Variants in ADGRV1 observed in about 807,000 individuals in gnomAD.
ADGRV1 encodes adhesion G protein-coupled receptor V1.
In ADGRV1, 359 loss-of-function variants were observed where a neutral mutation model predicts 596.2. The observed-to-expected ratio is 0.60, with a 90% confidence interval of 0.55 to 0.66. The LOEUF is 0.66. ADGRV1 is among the 30% of genes least tolerant of loss of function. ADGRV1 has a pLI of 0.00. For missense variants in ADGRV1, 7,274 were observed against 7,575.6 expected (o/e 0.96, Z 1.48); for synonymous variants, 2,681 against 2,679.2 (o/e 1.00, Z -0.02).
At chr5:90,613,772 A>G (rs1398069987) in intron 1 of ADGRV1, among the ~76,000 whole-genome samples, 1 of 152,138 alleles carries the variant, frequency 6.6e-6, no homozygotes, top group Non-Finnish European at 1.5e-5. Flanking sequence ...CTTAAATCCT[A>G]AAATATATCA....
chr5:90,709,033 G>A (rs1748977651), intron 39 of ADGRV1, 124 bp downstream of exon 39: 4 of 609,378 alleles, frequency 6.6e-6, no homozygotes, highest in Non-Finnish European at 1.2e-5. Flanking sequence ...AAAATATGAT[G>A]GGCTTTTATA....
intron 5 of ADGRV1, among the ~76,000 whole-genome samples, chr5:90,624,121 G>A (rs910600007): frequency 1.3e-5 from 2 of 152,080 alleles, no homozygotes; most frequent in African/African-American, 4.8e-5. Flanking sequence ...TCATGCTTGT[G>A]GGTGTCCACA....
intron 85 of ADGRV1, among the ~76,000 whole-genome samples, chr5:91,071,928 C>T (rs1424541418): frequency 1.3e-5 from 2 of 152,120 alleles, no homozygotes; most frequent in Admixed American, 6.5e-5. Context: ...CTGCCTGCCT[C>T]GGCCTCCCAA....
intron 67 of ADGRV1, among the ~76,000 whole-genome samples, chr5:90,787,305 G>A (rs377715579): frequency 2.0e-5 from 3 of 152,228 alleles, no homozygotes; most frequent in East Asian, 3.9e-4. Context: ...GAAGATTTCC[G>A]TGTCTTTTAC....
At chr5:90,859,208 C>T (rs892045064) in intron 82 of ADGRV1, among the ~76,000 whole-genome samples, 6 of 152,104 alleles carry the variant, frequency 3.9e-5, no homozygotes, top group South Asian at 4.1e-4. Context: ...AACTTCTGGC[C>T]TCAAGCGATC....
chr5:90,789,563 T>C, intron 68 of ADGRV1, 139 bp from the exon 69 acceptor site: 1 of 467,696 alleles, frequency 2.1e-6, no homozygotes. Flanking sequence ...AAAAATTAGG[T>C]AGCTAAGTAG....
At chr5:90,999,781 C>T (rs188785150) in intron 85 of ADGRV1, among the ~76,000 whole-genome samples, 10 of 152,100 alleles carry the variant, frequency 6.6e-5, no homozygotes, top group East Asian at 1.9e-4. Context: ...GGAAAGAAAA[C>T]AGTTCTTTAT....
chr5:90,687,925 C>T (rs1745899829), intron 29 of ADGRV1, among the ~76,000 whole-genome samples: 1 of 152,240 alleles, frequency 6.6e-6, no homozygotes, highest in African/African-American at 2.4e-5. Context: ...GAAGAACATT[C>T]CATGCTCATG....
intron 49 of ADGRV1, 84 bp downstream of exon 49, chr5:90,729,017 C>G: frequency 6.2e-6 from 6 of 970,284 alleles, no homozygotes; most frequent in Non-Finnish European, 8.9e-6. Context: ...TGAAAATGCT[C>G]TTGCAATAAT....
intron 74 of ADGRV1, among the ~76,000 whole-genome samples, chr5:90,813,245 G>A (rs1762613781): frequency 6.9e-6 from 1 of 144,996 alleles, no homozygotes; most frequent in African/African-American, 2.5e-5. Context: ...TATAACCAGG[G>A]CTGATAGTAA....
chr5:90,605,663 ACT>A (rs1245540381), intron 1 of ADGRV1, among the ~76,000 whole-genome samples: 2 of 152,106 alleles, frequency 1.3e-5, no homozygotes, highest in African/African-American at 2.4e-5. Context: ...TACAAGCGTA[ACT>A]CTCACACAAA....
At chr5:90,833,658 G>A (rs1764707455) in intron 77 of ADGRV1, among the ~76,000 whole-genome samples, 1 of 152,092 alleles carries the variant, frequency 6.6e-6, no homozygotes, top group African/African-American at 2.4e-5. Context: ...TATTTTACTT[G>A]TGGCTATTGT....
At chr5:91,015,833 GTGCCT>G in intron 85 of ADGRV1, among the ~76,000 whole-genome samples, 1 of 151,836 alleles carries the variant, frequency 6.6e-6, no homozygotes, top group Non-Finnish European at 1.5e-5. Context: ...GTTTGCCACT[GTGCCT>G]TTTAAATGGG....
intron 41 of ADGRV1, among the ~76,000 whole-genome samples, 172 bp downstream of exon 41, chr5:90,711,494 C>T (rs888760754): frequency 3.3e-5 from 5 of 152,076 alleles, no homozygotes; most frequent in Non-Finnish European, 7.4e-5. Flanking sequence ...GTTCCCTTAA[C>T]TATTTTAGTA....
rs146954342 is a variant in ADGRV1, at chr5:90,674,196, C to T, written c.5072C>T (p.Thr1691Met). ...SGASIDPEKETTDITIKASDH... is the reference protein window; with the variant it reads ...SGASIDPEKEMTDITIKASDH... ...GCAAGCATAGATCCTGAAAAGGAAA[C>T]GACTGATATCACCATCAAAGCTAGT... is the stretch of plus-strand genomic sequence containing the variant. Residue 1691 changes from threonine (T) to methionine (M), a missense_variant, in exon 23 of 90, where the codon ACG becomes ATG. Physicochemically the swap from Thr to Met is moderately conservative, Grantham distance 81. Coordinates refer to ENST00000405460, the MANE Select transcript of ADGRV1 (RefSeq NM_032119.4). 456 of 1,611,122 alleles carry T rather than the reference C, an allele frequency of 2.8e-4. 3 individuals carry two copies. In the African/African-American group the frequency reaches 3.7e-3, roughly 13 times the overall value.
intron 85 of ADGRV1, among the ~76,000 whole-genome samples, chr5:91,001,151 C>T (rs1781825545): frequency 6.6e-6 from 1 of 152,094 alleles, no homozygotes; most frequent in Non-Finnish European, 1.5e-5. Context: ...AGTAATGGCT[C>T]ACTACAGCCT....
chr5:90,694,425 C>T lies in ADGRV1; in HGVS notation c.7669C>T (p.Gln2557Ter). 6.2e-7 allele frequency: 1 copy of T among 1,613,980 alleles called. No homozygotes were observed. The highest frequency in any genetic ancestry group is 1.1e-5 in the South Asian group (1 of 91,080). ...GAACATTTCAGCCAGTTTGAAAAATCAGCCAACCATAGGACAGCCAAATAT... is the reference window on the plus strand; with the variant it reads ...GAACATTTCAGCCAGTTTGAAAAATTAGCCAACCATAGGACAGCCAAATAT... ...LMNISASLKN[Q>*]PTIGQPNIST... Residue 2557 changes from glutamine to a stop codon, truncating the protein, a stop_gained, in exon 33 of 90, where the codon CAG becomes TAG. Coordinates refer to ENST00000405460, the MANE Select transcript of ADGRV1 (RefSeq NM_032119.4). LOFTEE classifies it high-confidence loss of function.
intron 87 of ADGRV1, among the ~76,000 whole-genome samples, chr5:91,110,608 A>C (rs1447927245): frequency 6.6e-6 from 1 of 152,212 alleles, no homozygotes; most frequent in Non-Finnish European, 1.5e-5. Flanking sequence ...TTACTGTGTT[A>C]GAATTTTACT....
At chr5:90,729,301 A>T (rs893910432) in intron 49 of ADGRV1, among the ~76,000 whole-genome samples, 1 of 152,178 alleles carries the variant, frequency 6.6e-6, no homozygotes, top group Non-Finnish European at 1.5e-5. Context: ...AGAACTTTTT[A>T]TAAGACTCTT....
Sources: gnomAD v4.1 joint callset for allele counts (sites outside exome capture counted in the v4.1 genomes callset) on GRCh38, gnomAD v4.1.1 for gene constraint, MANE v1.5 for transcripts, NCBI Gene and HGNC (gene_info 2026-07-23, HGNC 2026-07-21) for gene names.